The following CORO2B variants were observed in gnomAD, a reference collection of about 807,000 sequenced individuals.
CORO2B encodes the protein coronin 2B.
Under a neutral mutation model 58.8 loss-of-function variants are expected in CORO2B, and 26 were observed. The ratio of observed to expected loss-of-function variants is 0.44; its 90% CI spans 0.32 to 0.61. The LOEUF (loss-of-function observed/expected upper bound fraction) is 0.61. CORO2B is among the 20% of genes least tolerant of loss of function. CORO2B has a pLI of 0.04. For missense variants in CORO2B, 460 were observed against 645.1 expected (o/e 0.71, Z 3.11); for synonymous variants, 242 against 253.8 (o/e 0.95, Z 0.44).
chr15:68,588,390 T>C (rs1320876036), intron 1 of CORO2B, among the ~76,000 whole-genome samples: 2 of 152,246 alleles, frequency 1.3e-5, no homozygotes, highest in African/African-American at 4.8e-5. Flanking sequence ...TTAATATGCT[T>C]GGGACAAATA....
intron 11 of CORO2B, among the ~76,000 whole-genome samples, chr15:68,722,319 C>T (rs1045450274): frequency 2.6e-5 from 4 of 152,236 alleles, no homozygotes; most frequent in African/African-American, 9.6e-5. Context: ...GCATCTTCCT[C>T]GCTGGGAAGA....
At chr15:68,578,781 C>T (rs1177272087), upstream of CORO2B, among the ~76,000 whole-genome samples, 2 of 152,014 alleles carry the variant, frequency 1.3e-5, no homozygotes, top group South Asian at 4.1e-4. This position sits in a 1 kb window ranked among gnomAD's most constrained non-coding sequence, Gnocchi z 4.2. Context: ...GTCCGCAGGC[C>T]CGAAGGGGTT....
the CORO2B span, among the ~76,000 whole-genome samples, chr15:68,558,897 T>C: frequency 6.6e-6 from 1 of 152,208 alleles, no homozygotes; most frequent in Non-Finnish European, 1.5e-5. Context: ...CAGGTCTTAG[T>C]ACACACCGCG....
the CORO2B span, among the ~76,000 whole-genome samples, chr15:68,554,819 T>C: frequency 1.3e-5 from 2 of 152,128 alleles, no homozygotes; most frequent in Non-Finnish European, 2.9e-5. Flanking sequence ...AGAGTCAAAC[T>C]CCAGGGCTGC....
rs1892475662 is a variant in CORO2B, at chr15:68,695,058, C to A, written c.217-82C>A. 5.3e-5 allele frequency: 55 copies of A among 1,039,570 alleles called. No homozygotes were observed. In the South Asian group the frequency reaches 6.9e-4, roughly 13 times the overall value. The allele number at this position is 1,039,570 out of a possible 1,614,324, so 64.4% of individuals were successfully genotyped here. ...GACCTTCCAGTCCAGTTGAGAGGCC[C>A]AGAAAAAAGGTGCTCCATTCAAGGC... is the stretch of plus-strand genomic sequence containing the variant. On this transcript the variant is annotated intron_variant, in intron 2 of 11. Coordinates refer to ENST00000261861, the MANE Select transcript of CORO2B (RefSeq NM_006091.5).
At chr15:68,542,841 G>A in the CORO2B span, among the ~76,000 whole-genome samples, 1 of 152,234 alleles carries the variant, frequency 6.6e-6, no homozygotes, top group Non-Finnish European at 1.5e-5. Context: ...GAGGGAGATG[G>A]GAACCTTCTG....
At chr15:68,666,224 G>T (rs952353299) in intron 2 of CORO2B, among the ~76,000 whole-genome samples, 4 of 152,130 alleles carry the variant, frequency 2.6e-5, no homozygotes, top group Non-Finnish European at 4.4e-5. Flanking sequence ...GAACATTCTG[G>T]GTAGCGGACA....
chr15:68,568,154 T>C, the CORO2B span, among the ~76,000 whole-genome samples: 1 of 152,144 alleles, frequency 6.6e-6, no homozygotes, highest in African/African-American at 2.4e-5. Context: ...AGGGATAAAG[T>C]TGGAGGTTGA....
intron 2 of CORO2B, among the ~76,000 whole-genome samples, chr15:68,663,500 G>T (rs568422246): frequency 1.3e-5 from 2 of 152,264 alleles, no homozygotes; most frequent in South Asian, 4.1e-4. Flanking sequence ...ACACGCAGAA[G>T]AATTTCCTCC....
chr15:68,644,063 A>G (rs1487852272), intron 1 of CORO2B, among the ~76,000 whole-genome samples: 1 of 151,970 alleles, frequency 6.6e-6, no homozygotes, highest in African/African-American at 2.4e-5. Context: ...AACCAACAAC[A>G]AAAAAAACCA....
intron 1 of CORO2B, among the ~76,000 whole-genome samples, chr15:68,610,909 T>C (rs999589087): frequency 6.6e-6 from 1 of 152,168 alleles, no homozygotes; most frequent in Non-Finnish European, 1.5e-5. Context: ...TGATGGCAGG[T>C]AGCACCTTCC....
intron 2 of CORO2B, among the ~76,000 whole-genome samples, chr15:68,653,332 C>T (rs999247959): frequency 1.3e-5 from 2 of 152,206 alleles, no homozygotes; most frequent in Non-Finnish European, 2.9e-5. Context: ...GTCCAATTGG[C>T]TACCTCTCTT....
chr15:68,689,048 G>T (rs1453963835), intron 2 of CORO2B, among the ~76,000 whole-genome samples: 2 of 152,036 alleles, frequency 1.3e-5, no homozygotes, highest in African/African-American at 2.4e-5. Context: ...CCAGCCCCGA[G>T]CTCTTCCTTG....
At chr15:68,641,219 G>A (rs1901211209) in intron 1 of CORO2B, among the ~76,000 whole-genome samples, 1 of 152,198 alleles carries the variant, frequency 6.6e-6, no homozygotes, top group Non-Finnish European at 1.5e-5. Flanking sequence ...CATCCCCGGG[G>A]AACACGCTGA....
chr15:68,583,886 G>T (rs954875885), intron 1 of CORO2B, among the ~76,000 whole-genome samples: 7 of 152,216 alleles, frequency 4.6e-5, no homozygotes, highest in African/African-American at 1.7e-4. Flanking sequence ...CCACTTGCGG[G>T]TGGGCAAGGG....
intron 1 of CORO2B, among the ~76,000 whole-genome samples, chr15:68,614,675 T>C (rs1298330559): frequency 6.6e-6 from 1 of 152,094 alleles, no homozygotes; most frequent in African/African-American, 2.4e-5. Context: ...CTGGGAGGAT[T>C]TCAGGACTCC....
chr15:68,553,290 C>T, the CORO2B span, among the ~76,000 whole-genome samples: 3 of 152,200 alleles, frequency 2.0e-5, no homozygotes, highest in Admixed American at 6.5e-5. Flanking sequence ...AGGAACTCTA[C>T]AGATATAATT....
At chr15:68,546,062 C>T in the CORO2B span, among the ~76,000 whole-genome samples, 9 of 152,124 alleles carry the variant, frequency 5.9e-5, 1 homozygote, top group South Asian at 4.1e-4. Flanking sequence ...AACAGTGAGC[C>T]GTCCTTGCCA....
chr15:68,523,397 A>G, the CORO2B span, among the ~76,000 whole-genome samples: 4 of 151,868 alleles, frequency 2.6e-5, no homozygotes, highest in East Asian at 3.9e-4. Flanking sequence ...GGGTCTCCCT[A>G]TGTCGCCCAG....
Sources: allele counts gnomAD v4.1 joint callset (sites outside exome capture counted in the v4.1 genomes callset), GRCh38; gene constraint gnomAD v4.1.1; non-coding constraint Gnocchi (gnomAD v3.1); transcripts MANE v1.5; gene names NCBI Gene and HGNC (gene_info 2026-07-23, HGNC 2026-07-21).